The following MBNL1 variants were observed in gnomAD, a reference collection of about 807,000 sequenced individuals.
MBNL1 encodes muscleblind-like protein 1.
A neutral mutation model predicts 42.2 loss-of-function variants in MBNL1; 8 were observed. The observed-to-expected ratio is 0.19, with a 90% confidence interval of 0.11 to 0.34. The LOEUF (loss-of-function observed/expected upper bound fraction) is 0.34. Among genes scored for constraint, MBNL1 ranks in the 10% least tolerant of loss-of-function variants. The pLI is 1.00. For missense variants in MBNL1, 309 were observed against 495.3 expected (o/e 0.62, Z 3.57); for synonymous variants, 169 against 173.9 (o/e 0.97, Z 0.22).
At chr3:152,353,639 A>C (rs2095276546) in intron 2 of MBNL1, among the ~76,000 whole-genome samples, 1 of 150,698 alleles carries the variant, frequency 6.6e-6, no homozygotes, top group Non-Finnish European at 1.5e-5. Context: ...TAGGCATATT[A>C]ATTATTGAAG....
chr3:152,262,242 C>G (rs552684319), intron 2 of MBNL1, among the ~76,000 whole-genome samples: 1 of 152,224 alleles, frequency 6.6e-6, no homozygotes, highest in African/African-American at 2.4e-5. Context: ...AGTTCCCACT[C>G]TTTTGGACAA....
chr3:152,269,157 G>T (rs928162217), intron 1 of MBNL1, 65 bp downstream of exon 1: 2 of 424,100 alleles, frequency 4.7e-6, no homozygotes, highest in Non-Finnish European at 9.5e-6. Context: ...GGGTCTGCCC[G>T]TGGCTGAAGG....
At chr3:152,378,203 A>G (rs6440801) in intron 2 of MBNL1, among the ~76,000 whole-genome samples, 83,670 of 151,904 alleles carry the variant, frequency 0.55, 23,698 homozygotes, top group African/African-American at 0.67. Context: ...AAAACAATTC[A>G]CTAGGTGTGT....
chr3:152,316,407 A>G (rs771361871), intron 2 of MBNL1, among the ~76,000 whole-genome samples: 7 of 152,236 alleles, frequency 4.6e-5, no homozygotes, highest in African/African-American at 9.6e-5. Flanking sequence ...TACTAATAGC[A>G]AGATCCACTT....
At chr3:152,343,162 A>G (rs1002240266) in intron 2 of MBNL1, among the ~76,000 whole-genome samples, 1 of 152,090 alleles carries the variant, frequency 6.6e-6, no homozygotes, top group Non-Finnish European at 1.5e-5. Flanking sequence ...GATGTGGGCA[A>G]ATTTTCTCAG....
intron 2 of MBNL1, among the ~76,000 whole-genome samples, chr3:152,345,791 A>G (rs2094141546): frequency 6.6e-6 from 1 of 152,126 alleles, no homozygotes; most frequent in African/African-American, 2.4e-5. Context: ...TCTGCCGTTT[A>G]CTGGTTGTGT....
chr3:152,425,773 A>G (rs112266817), intron 3 of MBNL1, among the ~76,000 whole-genome samples: 116 of 152,278 alleles, frequency 7.6e-4, no homozygotes, highest in Admixed American at 2.9e-3. Context: ...TAGTTCAACC[A>G]TGTGGAAGAC....
At chr3:152,339,556 T>C (rs2152804096) in intron 2 of MBNL1, 1 of 152,254 alleles carries the variant, frequency 6.6e-6, no homozygotes, top group Non-Finnish European at 1.5e-5. Context: ...ATGAGATCAT[T>C]GTTGGCCTTA....
At chr3:152,453,613 G>A (rs539827431) in intron 6 of MBNL1, among the ~76,000 whole-genome samples, 4 of 152,244 alleles carry the variant, frequency 2.6e-5, no homozygotes, top group Non-Finnish European at 5.9e-5. Flanking sequence ...TGGTAAGTGG[G>A]TCCTACAGCA....
At chr3:152,433,264 TTTGTTGTTG>T (rs376289137) in intron 4 of MBNL1, among the ~76,000 whole-genome samples, 23 of 151,852 alleles carry the variant, frequency 1.5e-4, no homozygotes, top group Non-Finnish European at 3.2e-4. Flanking sequence ...CTCCTGAATG[TTTGTTGTTG>T]TTGTTGTTGT....
intron 1 of MBNL1, among the ~76,000 whole-genome samples, chr3:152,272,069 CTT>C (rs1491375880): frequency 3.5e-5 from 5 of 142,922 alleles, no homozygotes; most frequent in African/African-American, 5.3e-5. Context: ...CTCTCTCTCT[CTT>C]TCATGGTGTC....
chr3:152,266,307 T>C (rs1201957558), upstream of MBNL1: 7 of 152,148 alleles, frequency 4.6e-5, no homozygotes, highest in African/African-American at 1.7e-4. Context: ...TTGTATTTCT[T>C]TGTATTCTGT....
chr3:152,257,067 T>C (rs1419888339), intron 2 of MBNL1, among the ~76,000 whole-genome samples: 1 of 152,198 alleles, frequency 6.6e-6, no homozygotes, highest in Non-Finnish European at 1.5e-5. Context: ...CAATGCATTC[T>C]ATCTTATCAT....
chr3:152,355,385 A>G (rs1258300117), intron 2 of MBNL1, among the ~76,000 whole-genome samples: 1 of 152,240 alleles, frequency 6.6e-6, no homozygotes, highest in Non-Finnish European at 1.5e-5. Flanking sequence ...GGATTATGTA[A>G]TTAGACATAC....
intron 8 of MBNL1, among the ~76,000 whole-genome samples, 179 bp downstream of exon 8, chr3:152,456,540 T>G (rs1397185655): frequency 6.6e-6 from 1 of 152,196 alleles, no homozygotes; most frequent in Non-Finnish European, 1.5e-5. Context: ...CTACACATTC[T>G]CTCTATGATG....
At chr3:152,377,407 A>G (rs1401585779) in intron 2 of MBNL1, among the ~76,000 whole-genome samples, 1 of 152,174 alleles carries the variant, frequency 6.6e-6, no homozygotes, top group African/African-American at 2.4e-5. Flanking sequence ...ATTAAATTCA[A>G]GCCCCAACAC....
At chr3:152,332,753 C>T (rs1258464651) in intron 2 of MBNL1, among the ~76,000 whole-genome samples, 13 of 150,294 alleles carry the variant, frequency 8.6e-5, no homozygotes, top group Non-Finnish European at 3.0e-5. Flanking sequence ...CGCGCGCATG[C>T]GCACACACTA....
intron 1 of MBNL1, among the ~76,000 whole-genome samples, chr3:152,298,240 A>G (rs947112288): frequency 2.0e-5 from 3 of 152,228 alleles, no homozygotes; most frequent in Admixed American, 6.5e-5. Flanking sequence ...TAAAATGTGA[A>G]AATTTTACTT....
intron 6 of MBNL1, among the ~76,000 whole-genome samples, chr3:152,451,894 G>A (rs1436831930): frequency 1.3e-5 from 2 of 152,110 alleles, no homozygotes; most frequent in Non-Finnish European, 2.9e-5. Context: ...AGCCTAGTAA[G>A]GTACAGTGAT....
Sources: gnomAD v4.1 joint callset for allele counts (sites outside exome capture counted in the v4.1 genomes callset) on GRCh38, gnomAD v4.1.1 for gene constraint, MANE v1.5 for transcripts, NCBI Gene and HGNC (gene_info 2026-07-23, HGNC 2026-07-21) for gene names.